The following DOP1A variants were observed in gnomAD, a reference collection of about 807,000 sequenced individuals.
DOP1A encodes DOP1 leucine zipper like protein A.
DOP1A carries 90 observed loss-of-function variants against 267.6 expected under a neutral mutation model. The ratio of observed to expected loss-of-function variants is 0.34; its 90% CI spans 0.28 to 0.40. The LOEUF (loss-of-function observed/expected upper bound fraction) is 0.40. Ranked by LOEUF, DOP1A falls within the 10% of genes least tolerant of loss-of-function variation. The probability of loss-of-function intolerance (pLI) is 1.00; values close to 1 mark genes in which losing one functional copy is unlikely to be tolerated. For missense variants in DOP1A, 2,437 were observed against 2,900.4 expected, an observed-to-expected ratio of 0.84 and a Z score of 3.67; for synonymous variants, 932 against 999.1, an observed-to-expected ratio of 0.93 and a Z score of 1.27.
chr6:83,138,419 CT>C lies in DOP1A; in HGVS notation c.4378del (p.Cys1460AlafsTer20). ...SMYIEILISLCLYYMRSHYPT... is the reference protein window; with the variant it reads ...SMYIEILISLXLYYMRSHYPT... Reference sequence around the variant, plus strand: ...TGTACATAGAAATTCTTATTTCTCTCTGCTTATATTACATGCGTAGCCATTA... The same window carrying C: ...TGTACATAGAAATTCTTATTTCTCTCGCTTATATTACATGCGTAGCCATTA... On this transcript the variant is annotated frameshift_variant, in exon 21 of 39. Coordinates refer to ENST00000349129, the MANE Select transcript of DOP1A (RefSeq NM_015018.4). LOFTEE classifies it high-confidence loss of function. 6.2e-7 allele frequency: 1 copy of C among 1,611,582 alleles called. No individual in the cohort carries two copies. The highest frequency in any genetic ancestry group is 8.5e-7 in the Non-Finnish European group (1 of 1,179,816).
intron 38 of DOP1A, chr6:83,165,652 G>A: frequency 4.9e-6 from 1 of 202,274 alleles, no homozygotes; most frequent in Non-Finnish European, 1.1e-5. Flanking sequence ...CAATTTCCCT[G>A]CAAAACGTTG....
chr6:83,128,347 G>A (rs903039634), intron 15 of DOP1A, among the ~76,000 whole-genome samples: 6 of 152,116 alleles, frequency 3.9e-5, no homozygotes, highest in Non-Finnish European at 8.8e-5. Context: ...TTCCCCTCTA[G>A]ATTATAAAAT....
chr6:83,124,598 T>C, intron 12 of DOP1A, 107 bp from the exon 13 acceptor site: 1 of 822,266 alleles, frequency 1.2e-6, no homozygotes. Flanking sequence ...AACATTACTG[T>C]GTGTGACCCA....
chr6:83,169,760 T>C (rs1231848000), downstream of DOP1A: 2 of 457,980 alleles, frequency 4.4e-6, no homozygotes, highest in South Asian at 1.5e-5. Flanking sequence ...GCACTCACTG[T>C]ACTTTGCCCT....
intron 31 of DOP1A, 53 bp downstream of exon 31, chr6:83,153,673 C>G (rs1782169582): frequency 3.6e-6 from 5 of 1,407,444 alleles, no homozygotes; most frequent in Non-Finnish European, 4.8e-6. Flanking sequence ...CTGTTAGAAA[C>G]AAGTTCTGTT....
chr6:83,164,709 C>G (rs1785039749), intron 38 of DOP1A: 4 of 1,590,566 alleles, frequency 2.5e-6, no homozygotes, highest in Non-Finnish European at 3.4e-6. Context: ...TTGGAGATGG[C>G]CAAGCATCAG....
chr6:83,128,807 A>G, intron 15 of DOP1A, 80 bp from the exon 16 acceptor site: 1 of 1,464,780 alleles, frequency 6.8e-7, no homozygotes, highest in South Asian at 1.4e-5. Context: ...AGTCTAAAAC[A>G]TCTCAAAAGT....
At chr6:83,139,939 T>G in intron 21 of DOP1A, 61 bp from the exon 22 acceptor site, 1 of 1,125,954 alleles carries the variant, frequency 8.9e-7, no homozygotes, top group Non-Finnish European at 1.3e-6. Context: ...TATTTACTAG[T>G]GATAAAATAT....
chr6:83,170,409 C>G (rs1243066217), downstream of DOP1A: 2 of 1,613,906 alleles, frequency 1.2e-6, no homozygotes, highest in Admixed American at 3.3e-5. Context: ...TTGATTGCCT[C>G]CTGTAATCCT....
downstream of DOP1A, chr6:83,170,234 A>C: frequency 7.1e-7 from 1 of 1,407,476 alleles, no homozygotes; most frequent in Non-Finnish European, 1.0e-6. Context: ...AGATTCTAAA[A>C]ACCATTAAAA....
At chr6:83,084,776 A>G (rs1436611530) in intron 1 of DOP1A, among the ~76,000 whole-genome samples, 1 of 150,990 alleles carries the variant, frequency 6.6e-6, no homozygotes, top group Non-Finnish European at 1.5e-5. Context: ...TTTTTTTAGT[A>G]GAGATGGTTT....
intron 4 of DOP1A, among the ~76,000 whole-genome samples, chr6:83,108,505 A>G (rs1348336131): frequency 6.6e-6 from 1 of 152,146 alleles, no homozygotes; most frequent in Non-Finnish European, 1.5e-5. Context: ...TTTTAAAGCT[A>G]CTCATGAGGC....
At chr6:83,078,107 G>T (rs978374603) in intron 1 of DOP1A, among the ~76,000 whole-genome samples, 4 of 152,204 alleles carry the variant, frequency 2.6e-5, no homozygotes, top group African/African-American at 9.7e-5. Flanking sequence ...TTAATAGCAT[G>T]TGTAAAGGCA....
At chr6:83,073,755 C>T (rs956347918) in intron 1 of DOP1A, among the ~76,000 whole-genome samples, 3 of 152,160 alleles carry the variant, frequency 2.0e-5, no homozygotes, top group East Asian at 1.9e-4. Flanking sequence ...AACTCACTTT[C>T]GAAGTGGCTC....
intron 4 of DOP1A, among the ~76,000 whole-genome samples, chr6:83,102,910 A>C (rs1180188974): frequency 6.6e-6 from 1 of 152,200 alleles, no homozygotes; most frequent in African/African-American, 2.4e-5. Flanking sequence ...TCAGGTCCAC[A>C]GGTCTCTTTG....
intron 1 of DOP1A, among the ~76,000 whole-genome samples, chr6:83,069,086 A>G (rs988436598): frequency 3.3e-5 from 5 of 152,210 alleles, no homozygotes; most frequent in Non-Finnish European, 5.9e-5. Context: ...TAGTTAAAGT[A>G]AAGGAGTGAG....
At chr6:83,108,825 GAA>G in intron 4 of DOP1A, 83 bp from the exon 5 acceptor site, 1 of 1,296,286 alleles carries the variant, frequency 7.7e-7, no homozygotes, top group Non-Finnish European at 1.0e-6. Context: ...TCATCAGAAA[GAA>G]ATATTTATAC....
intron 33 of DOP1A, among the ~76,000 whole-genome samples, chr6:83,154,811 A>G (rs545320610): frequency 6.6e-6 from 1 of 152,138 alleles, no homozygotes; most frequent in Non-Finnish European, 1.5e-5. Flanking sequence ...AAAGAGTTTT[A>G]AAAAACGTTT....
intron 1 of DOP1A, among the ~76,000 whole-genome samples, 162 bp from the exon 2 acceptor site, chr6:83,096,569 G>A (rs1163864612): frequency 1.3e-5 from 2 of 151,436 alleles, no homozygotes; most frequent in Admixed American, 6.6e-5. Context: ...CAGACTTAAT[G>A]TATTTTAGGA....
Sources: allele counts gnomAD v4.1 joint callset (sites outside exome capture counted in the v4.1 genomes callset), GRCh38; gene constraint gnomAD v4.1.1; transcripts MANE v1.5; gene names NCBI Gene and HGNC (gene_info 2026-07-23, HGNC 2026-07-21).